Variants in AGBL1 observed in about 807,000 individuals in gnomAD.
AGBL1 encodes cytosolic carboxypeptidase 4.
Under a neutral mutation model 118.9 loss-of-function variants are expected in AGBL1, and 130 were observed. That is an observed-to-expected ratio of 1.09 (90% confidence interval 0.95 to 1.26). The LOEUF is 1.26. Among genes scored for constraint, AGBL1 ranks in the 50% most tolerant of loss-of-function variants. The probability of loss-of-function intolerance (pLI) is 0.00; values close to 1 mark genes in which losing one functional copy is unlikely to be tolerated. For missense variants in AGBL1, 1,584 were observed against 1,298.1 expected (o/e 1.22, Z -3.38); for synonymous variants, 555 against 478.9 (o/e 1.16, Z -2.08).
rs971645336 is a variant in AGBL1 at position 86,753,401 on chromosome 15, T to C, written c.3158+78965T>C. ...GCTTTCTTTCTTTTTCTTTTTCTTT[T>C]TTTTTTTTTTTTTTGAGACAGAGTC... On this transcript the variant is annotated intron_variant, in intron 22 of 22. Coordinates refer to ENST00000614907, the MANE Select transcript of AGBL1 (RefSeq NM_001386094.1). 2.7e-4 allele frequency among the ~76,000 whole-genome samples: 31 copies of C among 114,676 alleles called. 1 individual carries two copies. The highest frequency in any genetic ancestry group is 4.5e-4 in the Admixed American group (5 of 11,084). The allele number at this position is 114,676 out of a possible 152,430, so 75.2% of individuals were successfully genotyped here.
rs539091157 is a variant in AGBL1, at chr15:86,962,866, A to C, written c.3222-25121A>C. On this transcript the variant is annotated intron_variant, in intron 23 of 24. Coordinates refer to the AGBL1 transcript ENST00000441037. ...CAACATCCCCAGCTGATTCCTGTGCACAAAAAGTTTGAGAAAGTCTATTGT... is the reference window on the plus strand; with the variant it reads ...CAACATCCCCAGCTGATTCCTGTGCCCAAAAAGTTTGAGAAAGTCTATTGT... 3.9e-5 allele frequency among the ~76,000 whole-genome samples: 6 copies of C among 152,200 alleles called. No homozygotes were observed. The East Asian group carries it at 1.2e-3, about 29-fold the overall frequency.
In AGBL1 at chr15:86,131,948, GAA is replaced by G. The variant is rs11331970; in HGVS notation, c.52-10041_52-10040del. ...GGGTGACAGAGCAAGACCATGTCTC[GAA>G]AAAAAAAAAAAAAATCATAACGTTG... is the stretch of plus-strand genomic sequence containing the variant. On this transcript the variant is annotated intron_variant, in intron 1 of 22. Coordinates refer to ENST00000614907, the MANE Select transcript of AGBL1 (RefSeq NM_001386094.1). Among the ~76,000 whole-genome samples the G allele has an allele frequency of 4.5e-3, 602 of 132,948 alleles. 8 individuals carry two copies. The highest frequency in any genetic ancestry group is 0.016 in the African/African-American group (584 of 36,582). The allele number at this position is 132,948 out of a possible 152,430, so 87.2% of individuals were successfully genotyped here.
chr15:86,702,112 A>G lies in AGBL1; in HGVS notation c.3158+27676A>G, dbSNP rs548328077. Among the ~76,000 whole-genome samples the G allele has an allele frequency of 1.1e-4, 16 of 152,148 alleles. No homozygotes were observed. The East Asian group carries it at 1.9e-3, about 18-fold the overall frequency. On this transcript the variant is annotated intron_variant, in intron 22 of 22. Coordinates refer to ENST00000614907, the MANE Select transcript of AGBL1 (RefSeq NM_001386094.1). The stretch of plus-strand genomic sequence containing the variant: ...AATCCTATCCATAGCTCCAATCCAT[A>G]GCTCATATTAAACAAATGTAAATAT...
In AGBL1 at chr15:86,910,302, C is replaced by T. The variant is rs1371803765; in HGVS notation, c.*3008C>T. ...GAGTTAGAGCTTGAAATAAAATGTT[C>T]AGTGTGACTGGTTTAAAAGATGTGT... On this transcript the variant is annotated 3_prime_UTR_variant, in exon 23 of 23. Transcript: ENST00000614907. The T allele has an allele frequency of 1.3e-5, 2 of 152,122 alleles. No homozygotes were observed. The highest frequency in any genetic ancestry group is 2.9e-5 in the Non-Finnish European group (2 of 68,024). 9.4% of individuals were successfully genotyped at this position (152,122 alleles called of 1,614,324 possible).
At chr15:86,233,434 A>G (rs1322948219) in intron 6 of AGBL1, among the ~76,000 whole-genome samples, 1 of 152,082 alleles carries the variant, frequency 6.6e-6, no homozygotes. Context: ...GCATGCATAA[A>G]GCAAACAATG....
At chr15:86,501,549 C>T (rs1381550352) in intron 18 of AGBL1, among the ~76,000 whole-genome samples, 1 of 151,510 alleles carries the variant, frequency 6.6e-6, no homozygotes, top group East Asian at 1.9e-4. Context: ...GATTTATTGT[C>T]ATGTTTCTTC....
chr15:86,834,811 G>C lies in AGBL1; in HGVS notation c.3159-72276G>C, dbSNP rs1385564302. On this transcript the variant is annotated intron_variant, in intron 22 of 22. Coordinates refer to ENST00000614907, the MANE Select transcript of AGBL1 (RefSeq NM_001386094.1). Reference sequence around the variant, plus strand: ...CTCCGTTGACACTAAAGCGTGAGATGCTATGAGACCTACATGGCATGCACA... The same window carrying C: ...CTCCGTTGACACTAAAGCGTGAGATCCTATGAGACCTACATGGCATGCACA... Among the ~76,000 whole-genome samples the C allele has an allele frequency of 2.0e-5, 3 of 152,144 alleles. No homozygotes were observed. In the East Asian group the frequency reaches 5.8e-4, roughly 29 times the overall value.
chr15:86,634,917 T>C (rs1030559444), intron 21 of AGBL1, among the ~76,000 whole-genome samples: 3 of 152,082 alleles, frequency 2.0e-5, no homozygotes, highest in African/African-American at 7.2e-5. Flanking sequence ...CTTTAAATTA[T>C]CTCTATAAGC....
At chr15:86,455,149 C>T (rs971187807) in intron 18 of AGBL1, among the ~76,000 whole-genome samples, 1 of 152,178 alleles carries the variant, frequency 6.6e-6, no homozygotes, top group Admixed American at 6.5e-5. Context: ...GCAATGAAAA[C>T]AGTGCATATT....
chr15:86,997,214 T>C (rs564935616), intron 24 of AGBL1, among the ~76,000 whole-genome samples: 3 of 152,298 alleles, frequency 2.0e-5, no homozygotes, highest in Admixed American at 6.5e-5. Context: ...AGAGTCTAAC[T>C]GTGCATGCCG....
At chr15:86,735,066 A>G (rs998167419) in intron 22 of AGBL1, among the ~76,000 whole-genome samples, 7 of 146,786 alleles carry the variant, frequency 4.8e-5, no homozygotes, top group African/African-American at 1.7e-4. Flanking sequence ...GTTTCTTGGC[A>G]TATAGTTATA....
intron 24 of AGBL1, among the ~76,000 whole-genome samples, chr15:87,001,390 AT>A (rs1421338473): frequency 6.6e-6 from 1 of 152,130 alleles, no homozygotes; most frequent in African/African-American, 2.4e-5. Flanking sequence ...ATTGTTGGAC[AT>A]TTGGCTTGGA....
chr15:86,398,211 G>A (rs936352855), intron 18 of AGBL1, among the ~76,000 whole-genome samples: 1 of 152,138 alleles, frequency 6.6e-6, no homozygotes, highest in Non-Finnish European at 1.5e-5. Flanking sequence ...GATGGCTCCT[G>A]TGCCTGGTGA....
At chr15:86,733,967 CT>C (rs2077560612) in intron 22 of AGBL1, among the ~76,000 whole-genome samples, 1 of 152,176 alleles carries the variant, frequency 6.6e-6, no homozygotes, top group Non-Finnish European at 1.5e-5. Flanking sequence ...CTCCTCCCTT[CT>C]CTAGGTCTAT....
intron 23 of AGBL1, among the ~76,000 whole-genome samples, chr15:86,938,526 C>G (rs2080706049): frequency 2.0e-5 from 3 of 152,144 alleles, no homozygotes; most frequent in African/African-American, 7.2e-5. Flanking sequence ...GTATTTCCAA[C>G]TAATATGGAA....
At chr15:86,292,105 G>A (rs994597621) in intron 16 of AGBL1, among the ~76,000 whole-genome samples, 4 of 152,214 alleles carry the variant, frequency 2.6e-5, no homozygotes, top group African/African-American at 9.6e-5. Flanking sequence ...TGTCCACATC[G>A]CAATCCTGTG....
chr15:86,727,240 C>T (rs756659537), intron 22 of AGBL1, among the ~76,000 whole-genome samples: 1 of 152,068 alleles, frequency 6.6e-6, no homozygotes, highest in Admixed American at 6.5e-5. Flanking sequence ...ACTCAGGGAC[C>T]TTCCACACCA....
chr15:86,091,838 A>G (rs1209171260), intron 1 of AGBL1, among the ~76,000 whole-genome samples: 3 of 152,128 alleles, frequency 2.0e-5, no homozygotes, highest in African/African-American at 4.8e-5. Context: ...TATTCTTCCT[A>G]TGTCCATATC....
chr15:86,530,184 A>G (rs140824178), intron 19 of AGBL1, among the ~76,000 whole-genome samples: 1,651 of 141,724 alleles, frequency 0.012, 51 homozygotes, highest in African/African-American at 0.049. Flanking sequence ...AAGAGTCAAG[A>G]CCCATCAGTG....
Sources: gnomAD v4.1 joint callset for allele counts (sites outside exome capture counted in the v4.1 genomes callset) on GRCh38, gnomAD v4.1.1 for gene constraint, MANE v1.5 for transcripts, NCBI Gene and HGNC (gene_info 2026-07-23, HGNC 2026-07-21) for gene names.